NDRG3: variants seen among roughly 807,000 people sequenced by gnomAD.
The protein encoded by NDRG3 is protein NDRG3.
Under a neutral mutation model 57.2 loss-of-function variants are expected in NDRG3, and 23 were observed. That is an observed-to-expected ratio of 0.40 (90% confidence interval 0.29 to 0.57). The LOEUF is 0.57. Ranked by LOEUF, NDRG3 falls within the 20% of genes least tolerant of loss-of-function variation. The pLI is 0.42. For missense variants in NDRG3, 384 were observed against 457.3 expected (o/e 0.84, Z 1.46); for synonymous variants, 132 against 162.6 (o/e 0.81, Z 1.43).
At chr20:36,714,443 CT>C (rs775474273) in intron 2 of NDRG3, among the ~76,000 whole-genome samples, 1,495 of 124,760 alleles carry the variant, frequency 0.012, 23 homozygotes, top group East Asian at 0.043. Flanking sequence ...TCATTTTCTT[CT>C]TTTTTTTTTT....
At chr20:36,662,690 G>A (rs113189290) in intron 12 of NDRG3, among the ~76,000 whole-genome samples, 5,924 of 152,222 alleles carry the variant, frequency 0.039, 382 homozygotes, top group African/African-American at 0.13. Context: ...TCTTCCATGC[G>A]TGGATATTCC....
chr20:36,688,369 ATAT>A (rs1981965651), intron 4 of NDRG3, among the ~76,000 whole-genome samples: 1 of 150,578 alleles, frequency 6.6e-6, no homozygotes, highest in African/African-American at 2.5e-5. Context: ...AACCTGAAAC[ATAT>A]TTAAAAAAAA....
intron 2 of NDRG3, among the ~76,000 whole-genome samples, chr20:36,715,054 A>ATT (rs1984189106): frequency 2.9e-5 from 3 of 104,208 alleles, no homozygotes; most frequent in African/African-American, 1.1e-4. Context: ...ATATATATAT[A>ATT]TTATATTTAA....
chr20:36,689,316 G>C (rs2148122522), intron 3 of NDRG3, among the ~76,000 whole-genome samples: 1 of 152,274 alleles, frequency 6.6e-6, no homozygotes. Context: ...TATCTCCAAA[G>C]CTCACTTACG....
intron 1 of NDRG3, among the ~76,000 whole-genome samples, chr20:36,727,387 T>C (rs1269975571): frequency 2.0e-5 from 3 of 150,474 alleles, no homozygotes; most frequent in African/African-American, 7.4e-5. Context: ...GACCGGCTAA[T>C]TTTTATATTT....
chr20:36,670,477 A>G (rs1303857298), intron 9 of NDRG3, among the ~76,000 whole-genome samples: 1 of 152,162 alleles, frequency 6.6e-6, no homozygotes, highest in Non-Finnish European at 1.5e-5. Context: ...TGGATTTTGG[A>G]CTTGGCCTGA....
chr20:36,687,727 C>A, intron 4 of NDRG3, 115 bp from the exon 5 acceptor site: 1 of 1,226,810 alleles, frequency 8.2e-7, no homozygotes, highest in Non-Finnish European at 1.1e-6. Flanking sequence ...ACCATTCCAC[C>A]AAAGTGAGGT....
chr20:36,701,792 C>T (rs998022700), intron 3 of NDRG3, among the ~76,000 whole-genome samples: 4 of 151,282 alleles, frequency 2.6e-5, no homozygotes, highest in African/African-American at 9.7e-5. Flanking sequence ...AGGTGATCCA[C>T]CTGCCTCGGC....
At chr20:36,745,948 C>A in intron 1 of NDRG3, 97 bp downstream of exon 1, 1 of 279,986 alleles carries the variant, frequency 3.6e-6, no homozygotes, top group Admixed American at 5.3e-5. Flanking sequence ...CTCGCCGTGC[C>A]GCGGAGATGA....
intron 3 of NDRG3, among the ~76,000 whole-genome samples, chr20:36,702,758 G>A (rs1167755898): frequency 1.3e-5 from 2 of 151,022 alleles, no homozygotes; most frequent in Admixed American, 6.6e-5. Flanking sequence ...GTGCGATCTC[G>A]GCTCACCTCA....
chr20:36,713,908 A>G (rs1984066643), intron 2 of NDRG3, among the ~76,000 whole-genome samples: 1 of 152,214 alleles, frequency 6.6e-6, no homozygotes, highest in South Asian at 2.1e-4. Flanking sequence ...AAAAACTGTT[A>G]AAGAGAATAA....
At chr20:36,706,456 C>T (rs936800400) in intron 3 of NDRG3, among the ~76,000 whole-genome samples, 2 of 152,110 alleles carry the variant, frequency 1.3e-5, no homozygotes, top group Non-Finnish European at 2.9e-5. Flanking sequence ...AATCATAAAA[C>T]AGGTACCTGG....
At chr20:36,673,407 C>CT (rs543016967) in intron 8 of NDRG3, among the ~76,000 whole-genome samples, 18 of 150,916 alleles carry the variant, frequency 1.2e-4, no homozygotes, top group East Asian at 2.0e-4. Flanking sequence ...TGTTTGTTTT[C>CT]TTTTTTTTTG....
intron 12 of NDRG3, among the ~76,000 whole-genome samples, chr20:36,664,483 C>A (rs536830059): frequency 6.6e-6 from 1 of 152,192 alleles, no homozygotes; most frequent in East Asian, 1.9e-4. Context: ...AGAAATCTGA[C>A]AATAAGTAAA....
intron 3 of NDRG3, among the ~76,000 whole-genome samples, chr20:36,702,336 C>A (rs1373177666): frequency 6.6e-6 from 1 of 151,972 alleles, no homozygotes; most frequent in Non-Finnish European, 1.5e-5. Context: ...TGGGGTTTCA[C>A]CGTGTTAGCC....
chr20:36,710,832 C>T (rs536296516), intron 2 of NDRG3, among the ~76,000 whole-genome samples: 1 of 119,722 alleles, frequency 8.4e-6, no homozygotes, highest in Admixed American at 8.0e-5. Context: ...AAAAAAAAGT[C>T]AGTCAGGCAT....
Position 36,721,683 on chromosome 20 carries a change from T to C in NDRG3, c.53A>G (p.Asp18Gly). The C allele has an allele frequency of 1.2e-6, 2 of 1,600,222 alleles. No homozygotes were observed. Among genetic ancestry groups the C allele is most frequent in the Non-Finnish European group, 1.7e-6 (2 of 1,170,004 alleles). The part of the protein sequence containing the change: ...QLTEIKPLLN[D>G]KNGTRNFQDF... ...TGAAAACAGAAAAGTCTTTACCTTA[T>C]CATTTAGAAGTGGTTTGATCTCTGT... Residue 18 changes from aspartate to glycine, a missense_variant, in exon 2 of 16, where the codon GAT (aspartate) becomes GGT (glycine). Coordinates refer to ENST00000349004, the MANE Select transcript of NDRG3 (RefSeq NM_032013.4).
At chr20:36,714,715 G>A (rs987031928) in intron 2 of NDRG3, among the ~76,000 whole-genome samples, 21 of 151,260 alleles carry the variant, frequency 1.4e-4, no homozygotes, top group Non-Finnish European at 2.7e-4. Context: ...CCAGGTTCAC[G>A]CCATTCTCCT....
At chr20:36,676,497 T>C (rs1980725043) in intron 8 of NDRG3, among the ~76,000 whole-genome samples, 1 of 152,206 alleles carries the variant, frequency 6.6e-6, no homozygotes, top group African/African-American at 2.4e-5. Flanking sequence ...GGAGTTTTGC[T>C]CATCACCCAA....
Sources: gnomAD v4.1 joint callset for allele counts (sites outside exome capture counted in the v4.1 genomes callset) on GRCh38, gnomAD v4.1.1 for gene constraint, MANE v1.5 for transcripts, NCBI Gene and HGNC (gene_info 2026-07-23, HGNC 2026-07-21) for gene names.